The following DOCK4 variants were observed in gnomAD, a reference collection of about 807,000 sequenced individuals.
The protein encoded by DOCK4 is dedicator of cytokinesis protein 4.
A neutral mutation model predicts 268.1 loss-of-function variants in DOCK4; 97 were observed. The ratio of observed to expected loss-of-function variants is 0.36; its 90% CI spans 0.31 to 0.43. DOCK4 has a LOEUF of 0.43. DOCK4 is among the 20% of genes least tolerant of loss of function. DOCK4 has a pLI of 1.00. For missense variants in DOCK4, 2,145 were observed against 2,455.7 expected (o/e 0.87, Z 2.67); for synonymous variants, 954 against 887.2 (o/e 1.08, Z -1.34).
chr7:112,151,783 C>T (rs553017783), intron 1 of DOCK4, among the ~76,000 whole-genome samples: 1 of 146,914 alleles, frequency 6.8e-6, no homozygotes. Flanking sequence ...AAAAGGTACA[C>T]ATTAACATGA....
rs768865767 is a variant in DOCK4 at position 111,900,456 on chromosome 7, C to T, written c.1398G>A (p.Arg466=). 1.9e-6 allele frequency: 3 copies of T among 1,613,430 alleles called. No individual in the cohort carries two copies. Among genetic ancestry groups the T allele is most frequent in the African/African-American group, 1.3e-5 (1 of 75,038 alleles). ...SFVLYHNNSP[R]WSELLKLPIP... The stretch of plus-strand genomic sequence containing the variant: ...TGGGAAGTTTCAGCAGTTCAGACCA[C>T]CTGGGACTGTTGTTATGGTAAAGCA... Residue 466 remains arginine (R), a synonymous_variant, in exon 15 of 53, where the codon AGG becomes AGA. Coordinates refer to ENST00000428084, the MANE Select transcript of DOCK4 (RefSeq NM_001363540.2).
intron 2 of DOCK4, among the ~76,000 whole-genome samples, chr7:112,002,994 T>C (rs1020648765): frequency 7.0e-6 from 1 of 143,584 alleles, no homozygotes; most frequent in Non-Finnish European, 1.5e-5. Flanking sequence ...GAGGTTGCAG[T>C]GAGCCAAGAT....
intron 1 of DOCK4, among the ~76,000 whole-genome samples, chr7:112,152,756 G>C (rs1366920375): frequency 2.2e-4 from 33 of 152,166 alleles, no homozygotes; most frequent in Non-Finnish European, 1.2e-4. Context: ...AAAGCACTGG[G>C]ATTATAGGCT....
intron 23 of DOCK4, among the ~76,000 whole-genome samples, chr7:111,858,056 G>T (rs535062427): frequency 1.3e-5 from 2 of 152,200 alleles, no homozygotes; most frequent in South Asian, 4.2e-4. Flanking sequence ...TTTGACCTTG[G>T]GGGTGTGACT....
In DOCK4 at chr7:112,110,225, A is replaced by G. The variant is rs1354931355; in HGVS notation, c.37+95877T>C. Among the ~76,000 whole-genome samples the G allele has an allele frequency of 2.6e-5, 4 of 152,246 alleles. No homozygotes were observed. The East Asian group carries it at 7.7e-4, about 29-fold the overall frequency. On this transcript the variant is annotated intron_variant, in intron 1 of 52. Coordinates refer to ENST00000428084, the MANE Select transcript of DOCK4 (RefSeq NM_001363540.2). ...CCCAATAAAGGTAAAAAATTTAAAT[A>G]CTAAAAAAACTGCTCTTAAAAACAT...
chr7:112,171,171 C>T (rs932534600), intron 1 of DOCK4, among the ~76,000 whole-genome samples: 1 of 152,196 alleles, frequency 6.6e-6, no homozygotes, highest in Non-Finnish European at 1.5e-5. Context: ...GCTTAAGCTT[C>T]CACATTTTCA....
chr7:111,780,068 T>G (rs17158813), intron 35 of DOCK4, among the ~76,000 whole-genome samples: 12,224 of 152,204 alleles, frequency 0.08, 1,068 homozygotes, highest in African/African-American at 0.21. Context: ...TTTTTAAAGC[T>G]GATTAGTAGA....
Position 111,994,179 on chromosome 7 carries a change from A to G in DOCK4, c.271T>C (p.Ser91Pro). The G allele has an allele frequency of 6.2e-7, 1 of 1,608,772 alleles. No homozygotes were observed. The highest frequency in any genetic ancestry group is 8.5e-7 in the Non-Finnish European group (1 of 1,176,780). Residue 91 changes from serine to proline, a missense_variant, in exon 5 of 53, where the codon TCA becomes CCA. Physicochemically the swap from Ser to Pro is moderately conservative, Grantham distance 74 (BLOSUM62 -1). Around this residue, in one of 2 missense-constraint regions of DOCK4, gnomAD observed 1,598 missense variants for 1,986.7 expected, o/e 0.80. Coordinates refer to ENST00000428084, the MANE Select transcript of DOCK4 (RefSeq NM_001363540.2). ...ATGGTTCCCCAGTCTCTTAATGTTGATGTCATTTCTGTGATAACAGAGTCT... is the reference window on the plus strand; with the variant it reads ...ATGGTTCCCCAGTCTCTTAATGTTGGTGTCATTTCTGTGATAACAGAGTCT... ...TEDSVITEMT[S>P]TLRDWGTMWK...
chr7:111,895,779 A>G, intron 15 of DOCK4, 61 bp from the exon 16 acceptor site: 1 of 1,477,616 alleles, frequency 6.8e-7, no homozygotes, highest in South Asian at 1.1e-5. Context: ...ATAGTTTGTC[A>G]AGAAGCATAA....
At chr7:112,008,305 T>C (rs534470000) in intron 1 of DOCK4, among the ~76,000 whole-genome samples, 2 of 152,350 alleles carry the variant, frequency 1.3e-5, no homozygotes, top group East Asian at 1.9e-4. Flanking sequence ...TATATGTATA[T>C]AAACCCAGTT....
chr7:111,897,535 A>G (rs1300540551), intron 15 of DOCK4, among the ~76,000 whole-genome samples: 1 of 152,188 alleles, frequency 6.6e-6, no homozygotes, highest in Non-Finnish European at 1.5e-5. Context: ...GAGCTGGATC[A>G]TACTGGCCCG....
In DOCK4 at chr7:112,094,550, T is replaced by C. The variant is rs11974247; in HGVS notation, c.38-90419A>G. Among the ~76,000 whole-genome samples the C allele has an allele frequency of 3.2e-3, 492 of 152,340 alleles. 6 individuals are homozygous for C. The highest frequency in any genetic ancestry group is 0.011 in the African/African-American group (453 of 41,580). On this transcript the variant is annotated intron_variant, in intron 1 of 52. Coordinates refer to ENST00000428084, the MANE Select transcript of DOCK4 (RefSeq NM_001363540.2). ...ATGACAACTGCCTATTAAAATATGA[T>C]GCATACTCAGGGATAAGAAAATTTA...
chr7:112,199,040 G>A (rs1181105786), intron 1 of DOCK4, among the ~76,000 whole-genome samples: 1 of 152,140 alleles, frequency 6.6e-6, no homozygotes, highest in African/African-American at 2.4e-5. Context: ...TAAGGGGTGG[G>A]ATTACTGATT....
At chr7:111,779,579 G>A (rs1798666232) in intron 35 of DOCK4, among the ~76,000 whole-genome samples, 1 of 152,110 alleles carries the variant, frequency 6.6e-6, no homozygotes, top group African/African-American at 2.4e-5. Flanking sequence ...TTTTAGTAGA[G>A]ATGGGGTTTT....
intron 26 of DOCK4, among the ~76,000 whole-genome samples, chr7:111,829,616 C>T (rs1802661577): frequency 6.6e-6 from 1 of 152,120 alleles, no homozygotes; most frequent in African/African-American, 2.4e-5. Context: ...AAGCAAGATG[C>T]TCAATAAATG....
At chr7:111,790,673 T>C (rs1226558882) in intron 30 of DOCK4, 68 bp from the exon 31 acceptor site, 2 of 1,441,736 alleles carry the variant, frequency 1.4e-6, no homozygotes, top group Admixed American at 2.7e-5. Context: ...ATTAATATCA[T>C]AAAATTTGTT....
chr7:111,950,137 G>A (rs1204969715), intron 8 of DOCK4, among the ~76,000 whole-genome samples: 3 of 152,152 alleles, frequency 2.0e-5, no homozygotes, highest in Non-Finnish European at 4.4e-5. Flanking sequence ...ATGTTGGCCA[G>A]GCTGGTCTCC....
At chr7:111,878,707 C>T (rs1280065884) in intron 16 of DOCK4, among the ~76,000 whole-genome samples, 3 of 152,094 alleles carry the variant, frequency 2.0e-5, no homozygotes, top group African/African-American at 2.4e-5. Context: ...CTCACTGCTG[C>T]CCTGCCATTG....
chr7:112,205,741 G>A (rs1197221099), intron 1 of DOCK4, among the ~76,000 whole-genome samples: 2 of 151,720 alleles, frequency 1.3e-5, no homozygotes, highest in East Asian at 3.9e-4. Flanking sequence ...TAAGGAAGGA[G>A]AGAAACCCCA....
Sources: gnomAD v4.1 joint callset for allele counts (sites outside exome capture counted in the v4.1 genomes callset) on GRCh38, gnomAD v4.1.1 for gene constraint, gnomAD v4.1.1 regional missense constraint, MANE v1.5 for transcripts, NCBI Gene and HGNC (gene_info 2026-07-23, HGNC 2026-07-21) for gene names.